Variants in ZNF544 observed in about 807,000 individuals in gnomAD.
ZNF544 encodes zinc finger protein AF020591.
A neutral mutation model predicts 13.5 loss-of-function variants in ZNF544; 10 were observed. That is an observed-to-expected ratio of 0.74 (90% CI 0.46 to 1.25). The LOEUF (loss-of-function observed/expected upper bound fraction) is 1.25. Ranked by LOEUF, ZNF544 falls within the 50% of genes most tolerant of loss-of-function variation. ZNF544 has a pLI of 0.00. For synonymous variants in ZNF544, 323 were observed against 300.5 expected (o/e 1.07, Z -0.77); for missense variants, 896 against 845.6 (o/e 1.06, Z -0.74).
At chr19:58,231,662 G>C (rs1242691968) in intron 3 of ZNF544, 1 of 152,142 alleles carries the variant, frequency 6.6e-6, no homozygotes, top group East Asian at 1.9e-4. Context: ...GCCTCACAAA[G>C]TGCTGGGATT....
At chr19:58,258,798 G>A (rs1282289174) in intron 6 of ZNF544, 1 of 152,336 alleles carries the variant, frequency 6.6e-6, no homozygotes, top group East Asian at 1.9e-4. Flanking sequence ...AGTGAGGCAT[G>A]AGAACTTGAG....
intron 3 of ZNF544, among the ~76,000 whole-genome samples, chr19:58,238,803 G>T (rs927375277): frequency 1.3e-5 from 2 of 151,610 alleles, no homozygotes; most frequent in Non-Finnish European, 2.9e-5. Context: ...TCCATGTAGG[G>T]TCACATATTC....
chr19:58,277,384 C>A, exon 7 of ZNF544: 2 of 602,674 alleles, frequency 3.3e-6, no homozygotes, highest in Non-Finnish European at 2.4e-6. Flanking sequence ...CATGGTTGAT[C>A]TTCAGTCCCT....
intron 3 of ZNF544, among the ~76,000 whole-genome samples, chr19:58,243,344 C>T (rs1022053975): frequency 6.6e-6 from 1 of 151,444 alleles, no homozygotes; most frequent in African/African-American, 2.4e-5. Flanking sequence ...GGGTTTGGTG[C>T]CACATTCAAG....
chr19:58,266,778 G>A (rs2049971769), downstream of ZNF544: 1 of 152,130 alleles, frequency 6.6e-6, no homozygotes, highest in Non-Finnish European at 1.5e-5. Context: ...GGAGTCATGT[G>A]CTAAAAGATT....
rs772043849 is a variant in ZNF544, at chr19:58,242,785, G to GC, written c.-59-1174dup. 3.9e-5 allele frequency among the ~76,000 whole-genome samples: 6 copies of GC among 151,980 alleles called. 1 individual carries two copies. The highest frequency in any genetic ancestry group is 1.3e-4 in the Admixed American group (2 of 15,236). ...CAATCTCGGCTCACTAAAACTTCCC[G>GC]CCCCCCGGGTTCAAGGGATTCTCCT... is the stretch of plus-strand genomic sequence containing the variant. On this transcript the variant is annotated intron_variant, in intron 3 of 6. Transcript: ENST00000687789.
intron 6 of ZNF544, among the ~76,000 whole-genome samples, chr19:58,253,849 C>T (rs2046724134): frequency 6.6e-6 from 1 of 152,214 alleles, no homozygotes; most frequent in South Asian, 2.1e-4. Context: ...CTTAAAATAT[C>T]TTGCAAAGAC....
intron 6 of ZNF544, among the ~76,000 whole-genome samples, chr19:58,252,478 CA>C (rs2046440185): frequency 6.6e-6 from 1 of 152,178 alleles, no homozygotes; most frequent in African/African-American, 2.4e-5. Context: ...TCTTCATATA[CA>C]TAACTTTCTT....
chr19:58,239,898 CA>C (rs58006684), intron 3 of ZNF544, among the ~76,000 whole-genome samples: 8,925 of 127,160 alleles, frequency 0.07, 465 homozygotes, highest in African/African-American at 0.15. Flanking sequence ...GACTCCATCT[CA>C]AAAAAAAAAA....
At chr19:58,237,534 C>T (rs1261514068) in intron 3 of ZNF544, among the ~76,000 whole-genome samples, 1 of 152,236 alleles carries the variant, frequency 6.6e-6, no homozygotes, top group East Asian at 1.9e-4. Context: ...GGGCGGCTCA[C>T]CTCACGGGCT....
At chr19:58,273,505 A>G (rs910420802) in intron 5 of ZNF544, among the ~76,000 whole-genome samples, 9 of 151,890 alleles carry the variant, frequency 5.9e-5, no homozygotes, top group Admixed American at 2.0e-4. Context: ...CCTGGCCAAC[A>G]GGCCGAAACC....
chr19:58,256,484 C>T (rs574090674), intron 6 of ZNF544, among the ~76,000 whole-genome samples: 6 of 152,156 alleles, frequency 3.9e-5, no homozygotes, highest in Admixed American at 3.9e-4. Context: ...AATAAGTCTA[C>T]AGAAGTAAAA....
At chr19:58,265,682 G>C (rs1275062289), downstream of ZNF544, among the ~76,000 whole-genome samples, 1 of 152,064 alleles carries the variant, frequency 6.6e-6, no homozygotes, top group African/African-American at 2.4e-5. Flanking sequence ...TGCAGCCTCA[G>C]CCTGGATCAA....
At chr19:58,256,571 C>T (rs1156792325) in intron 6 of ZNF544, among the ~76,000 whole-genome samples, 1 of 152,140 alleles carries the variant, frequency 6.6e-6, no homozygotes, top group East Asian at 1.9e-4. Context: ...AGCAACGGTA[C>T]CACGTGCAAG....
At chr19:58,271,782 C>T (rs763929614) in intron 5 of ZNF544, among the ~76,000 whole-genome samples, 29 of 152,150 alleles carry the variant, frequency 1.9e-4, no homozygotes, top group Non-Finnish European at 3.4e-4. Context: ...AGGAGGTAAG[C>T]ATTTGATTTG....
chr19:58,255,222 C>T (rs1320206768), intron 6 of ZNF544, among the ~76,000 whole-genome samples: 2 of 150,882 alleles, frequency 1.3e-5, no homozygotes, highest in Non-Finnish European at 2.9e-5. Flanking sequence ...CCCAGGCTGG[C>T]TGGAGTGCAG....
intron 5 of ZNF544, among the ~76,000 whole-genome samples, chr19:58,271,077 T>C (rs1050958545): frequency 6.6e-6 from 1 of 151,752 alleles, no homozygotes; most frequent in Non-Finnish European, 1.5e-5. Flanking sequence ...CCCAGCGTGG[T>C]GGTGGGCACC....
chr19:58,262,879 A>G lies in ZNF544; in HGVS notation c.*125A>G. ...TAAGCCAGCGGTTGTGACTCATTGA[A>G]CATCAGAGGACATATCCTGGAGAAA... On this transcript the variant is annotated 3_prime_UTR_variant, in exon 7 of 7. Transcript: ENST00000687789. 1 of 1,492,278 alleles carries G rather than the reference A, an allele frequency of 6.7e-7. No homozygotes were observed. The highest frequency in any genetic ancestry group is 2.3e-5 in the East Asian group (1 of 43,280). 92.4% of individuals were successfully genotyped at this position (1,492,278 alleles called of 1,614,324 possible).
intron 3 of ZNF544, among the ~76,000 whole-genome samples, chr19:58,233,190 C>T (rs1217080873): frequency 6.6e-6 from 1 of 152,036 alleles, no homozygotes; most frequent in African/African-American, 2.4e-5. Flanking sequence ...AGACCTGCCC[C>T]CATGACTCAG....
Sources: allele counts gnomAD v4.1 joint callset (sites outside exome capture counted in the v4.1 genomes callset), GRCh38; gene constraint gnomAD v4.1.1; transcripts MANE v1.5; gene names NCBI Gene and HGNC (gene_info 2026-07-23, HGNC 2026-07-21).